Variants in PRDM5 observed in about 807,000 individuals in gnomAD.
PRDM5 encodes the protein PR domain zinc finger protein 5.
PRDM5 carries 56 observed loss-of-function variants against 81.2 expected under a neutral mutation model. That is an observed-to-expected ratio of 0.69 (90% CI 0.56 to 0.86). The LOEUF (loss-of-function observed/expected upper bound fraction) is 0.86. Ranked by LOEUF, PRDM5 falls within the 40% of genes least tolerant of loss-of-function variation. The pLI is 0.00. For missense variants in PRDM5, 697 were observed against 770.1 expected, an observed-to-expected ratio of 0.91 and a Z score of 1.12; for synonymous variants, 267 against 256.4, an observed-to-expected ratio of 1.04 and a Z score of -0.39.
chr4:120,871,503 A>G (rs1366781688), intron 2 of PRDM5, among the ~76,000 whole-genome samples: 1 of 152,036 alleles, frequency 6.6e-6, no homozygotes, highest in East Asian at 1.9e-4. Context: ...TAATCTGACC[A>G]CTCTACTTCT....
chr4:120,702,190 T>C (rs549755740), intron 15 of PRDM5, among the ~76,000 whole-genome samples: 20 of 152,332 alleles, frequency 1.3e-4, no homozygotes, highest in African/African-American at 4.8e-4. Context: ...CAGTCCATGC[T>C]TCACATAACA....
chr4:120,789,712 CT>C (rs1750299517), intron 10 of PRDM5, among the ~76,000 whole-genome samples: 1 of 152,128 alleles, frequency 6.6e-6, no homozygotes, highest in Admixed American at 6.5e-5. Flanking sequence ...TAAATTTTTA[CT>C]GTCAAATTTA....
chr4:120,870,411 G>T (rs2148535015), intron 2 of PRDM5, among the ~76,000 whole-genome samples: 1 of 152,178 alleles, frequency 6.6e-6, no homozygotes, highest in African/African-American at 2.4e-5. Flanking sequence ...CACTAATAAA[G>T]ATCAACATCT....
intron 3 of PRDM5, among the ~76,000 whole-genome samples, chr4:120,827,867 C>A (rs754054946): frequency 7.2e-5 from 11 of 152,100 alleles, no homozygotes; most frequent in Non-Finnish European, 1.6e-4. Flanking sequence ...TCCCTATGGG[C>A]CTCAATGTCC....
chr4:120,902,152 T>C (rs1401499588), intron 2 of PRDM5, among the ~76,000 whole-genome samples: 7 of 152,196 alleles, frequency 4.6e-5, no homozygotes, highest in Admixed American at 1.3e-4. Flanking sequence ...AAAGAGCTGT[T>C]TGGAGGATTC....
intron 3 of PRDM5, among the ~76,000 whole-genome samples, chr4:120,846,717 T>C (rs1758690189): frequency 6.6e-6 from 1 of 152,118 alleles, no homozygotes; most frequent in Non-Finnish European, 1.5e-5. Flanking sequence ...TTTAATTTAG[T>C]CCTCACAAAA....
At chr4:120,878,333 T>C (rs757259702) in intron 2 of PRDM5, among the ~76,000 whole-genome samples, 6 of 152,230 alleles carry the variant, frequency 3.9e-5, no homozygotes, top group Non-Finnish European at 8.8e-5. Flanking sequence ...TTTCAACAAA[T>C]GGTGTTGGAA....
At chr4:120,888,156 C>CTTCAATAA (rs1349065849) in intron 2 of PRDM5, among the ~76,000 whole-genome samples, 1 of 152,154 alleles carries the variant, frequency 6.6e-6, no homozygotes, top group Non-Finnish European at 1.5e-5. Flanking sequence ...AAGTGTCACA[C>CTTCAATAA]AATTACTGAA....
chr4:120,789,898 A>G (rs1750325523), intron 10 of PRDM5, among the ~76,000 whole-genome samples: 1 of 152,212 alleles, frequency 6.6e-6, no homozygotes, highest in Non-Finnish European at 1.5e-5. Context: ...TGCAGAGCCA[A>G]GTCCAACCTT....
chr4:120,822,532 A>C (rs142132677), intron 3 of PRDM5, among the ~76,000 whole-genome samples: 96 of 152,256 alleles, frequency 6.3e-4, no homozygotes, highest in African/African-American at 2.2e-3. Flanking sequence ...GAGGAAGGAG[A>C]GTGTATGCAT....
intron 3 of PRDM5, chr4:120,839,227 G>T (rs1409815408): frequency 7.1e-6 from 5 of 702,872 alleles, no homozygotes; most frequent in African/African-American, 5.2e-5. Context: ...TCTTGTCTGT[G>T]TTACAGCTCT....
chr4:120,738,339 C>T (rs1001975727), intron 14 of PRDM5, among the ~76,000 whole-genome samples: 2 of 152,148 alleles, frequency 1.3e-5, no homozygotes, highest in African/African-American at 4.8e-5. Flanking sequence ...AGGAGAAAAT[C>T]GTATAATGGT....
intron 15 of PRDM5, among the ~76,000 whole-genome samples, chr4:120,709,909 C>G (rs1736705428): frequency 6.6e-6 from 1 of 152,098 alleles, no homozygotes; most frequent in South Asian, 2.1e-4. Flanking sequence ...ACATGCTTGG[C>G]TTTAACCAAG....
intron 8 of PRDM5, among the ~76,000 whole-genome samples, chr4:120,801,513 G>T (rs1345743342): frequency 6.6e-6 from 1 of 152,308 alleles, no homozygotes; most frequent in East Asian, 1.9e-4. Context: ...ATTCAGTTAT[G>T]TAAAGCAGGG....
intron 12 of PRDM5, among the ~76,000 whole-genome samples, chr4:120,780,050 T>G (rs1748817594): frequency 1.3e-5 from 2 of 151,866 alleles, no homozygotes; most frequent in South Asian, 4.1e-4. Context: ...TTGAAACAGT[T>G]GTATTAAGGA....
intron 3 of PRDM5, among the ~76,000 whole-genome samples, chr4:120,851,482 AC>A (rs1479539960): frequency 2.0e-5 from 3 of 151,918 alleles, no homozygotes; most frequent in South Asian, 2.1e-4. Flanking sequence ...AAAAAAAAAA[AC>A]ATCAGTTTAA....
At chr4:120,823,682 C>T (rs922114150) in intron 3 of PRDM5, among the ~76,000 whole-genome samples, 3 of 152,198 alleles carry the variant, frequency 2.0e-5, no homozygotes, top group Non-Finnish European at 4.4e-5. Flanking sequence ...ATTGACAAGG[C>T]CTGCCAGATC....
chr4:120,903,900 T>C (rs1238046512), intron 2 of PRDM5, among the ~76,000 whole-genome samples: 1 of 152,024 alleles, frequency 6.6e-6, no homozygotes, highest in Non-Finnish European at 1.5e-5. Context: ...CCATTAAACT[T>C]CCTTCCTGGC....
chr4:120,750,409 T>C (rs1235684874), intron 14 of PRDM5, among the ~76,000 whole-genome samples: 2 of 152,180 alleles, frequency 1.3e-5, no homozygotes, highest in Non-Finnish European at 2.9e-5. Flanking sequence ...AAACATGTTC[T>C]GTGGCAAAGG....
Sources: allele counts gnomAD v4.1 joint callset (sites outside exome capture counted in the v4.1 genomes callset), GRCh38; gene constraint gnomAD v4.1.1; transcripts MANE v1.5; gene names NCBI Gene and HGNC (gene_info 2026-07-23, HGNC 2026-07-21).